SKAP1: variants seen among roughly 807,000 people sequenced by gnomAD.
SKAP1 encodes src kinase-associated phosphoprotein 1.
In SKAP1, 44 loss-of-function variants were observed where a neutral mutation model predicts 58.5. The ratio of observed to expected loss-of-function variants is 0.75; its 90% CI spans 0.59 to 0.97. SKAP1 has a LOEUF of 0.97. SKAP1 is among the 50% of genes least tolerant of loss of function. The pLI, the probability that SKAP1 is intolerant of heterozygous loss-of-function variation, is 0.00. For missense variants in SKAP1, 390 were observed against 435.2 expected (o/e 0.90, Z 0.92); for synonymous variants, 127 against 149.7 (o/e 0.85, Z 1.11).
Position 48,229,826 on chromosome 17 carries a change from T to G in SKAP1, c.281-40326A>C, listed in dbSNP as rs557955217. ...AACAGTGTTCTTCAGATTAATGAAA[T>G]CTAATAGCAACTCTTTCACCTCTGG... is the stretch of plus-strand genomic sequence containing the variant. On this transcript the variant is annotated intron_variant, in intron 4 of 12. Coordinates refer to ENST00000336915, the MANE Select transcript of SKAP1 (RefSeq NM_003726.4). Among the ~76,000 whole-genome samples, 20 of 152,232 alleles carry G rather than the reference T, an allele frequency of 1.3e-4. No individual in the cohort carries two copies. In the South Asian group the frequency reaches 4.2e-3, roughly 32 times the overall value.
intron 11 of SKAP1, among the ~76,000 whole-genome samples, chr17:48,158,198 A>T (rs971199950): frequency 3.8e-5 from 5 of 130,852 alleles, no homozygotes; most frequent in South Asian, 2.5e-4. Flanking sequence ...AAAAAAAAAA[A>T]TGCGATAAAT....
chr17:48,142,873 A>G (rs939737252), intron 11 of SKAP1, among the ~76,000 whole-genome samples: 2 of 151,928 alleles, frequency 1.3e-5, no homozygotes, highest in Non-Finnish European at 2.9e-5. Flanking sequence ...TGGTGCAAGT[A>G]TAGCTCACTG....
intron 11 of SKAP1, chr17:48,156,433 C>T (rs373807500): frequency 5.7e-6 from 3 of 524,610 alleles, no homozygotes; most frequent in Non-Finnish European, 1.2e-5. Flanking sequence ...GAGACCTGCA[C>T]CAGCGCCACA....
intron 4 of SKAP1, among the ~76,000 whole-genome samples, chr17:48,289,986 C>T (rs1266002920): frequency 2.0e-5 from 3 of 152,010 alleles, no homozygotes; most frequent in African/African-American, 7.3e-5. Flanking sequence ...GTTAAGCAGT[C>T]AATAGTACCC....
intron 11 of SKAP1, among the ~76,000 whole-genome samples, chr17:48,146,001 T>C (rs911224353): frequency 6.6e-6 from 1 of 152,134 alleles, no homozygotes; most frequent in African/African-American, 2.4e-5. Flanking sequence ...TTTGTGTGCA[T>C]GTGTACGTAG....
At chr17:48,310,493 C>G (rs1273748466) in intron 4 of SKAP1, among the ~76,000 whole-genome samples, 1 of 152,148 alleles carries the variant, frequency 6.6e-6, no homozygotes, top group Non-Finnish European at 1.5e-5. Flanking sequence ...ATGATTACAG[C>G]TGTTCATATT....
At chr17:48,153,998 T>G (rs964430803) in intron 11 of SKAP1, among the ~76,000 whole-genome samples, 3 of 152,188 alleles carry the variant, frequency 2.0e-5, no homozygotes, top group African/African-American at 7.2e-5. Context: ...CTAAGCACAC[T>G]TAAAAGAGGA....
At chr17:48,275,986 A>G (rs899335492) in intron 4 of SKAP1, among the ~76,000 whole-genome samples, 4 of 152,160 alleles carry the variant, frequency 2.6e-5, no homozygotes, top group African/African-American at 7.2e-5. Flanking sequence ...GAGAGAGTTT[A>G]TAAGAAGGGG....
intron 4 of SKAP1, among the ~76,000 whole-genome samples, chr17:48,255,651 C>G (rs1567840362): frequency 6.6e-6 from 1 of 151,884 alleles, no homozygotes. Context: ...CAAAACGTGG[C>G]TAGAGATTAT....
chr17:48,329,795 C>G (rs1474134928), intron 4 of SKAP1, among the ~76,000 whole-genome samples: 3 of 152,056 alleles, frequency 2.0e-5, no homozygotes, highest in Non-Finnish European at 4.4e-5. Flanking sequence ...GGTTTTGGAA[C>G]TACAGAGACT....
At chr17:48,287,890 A>G (rs1345959711) in intron 4 of SKAP1, among the ~76,000 whole-genome samples, 1 of 152,232 alleles carries the variant, frequency 6.6e-6, no homozygotes, top group Non-Finnish European at 1.5e-5. Flanking sequence ...AGTTAACCAA[A>G]ATGTCTTAGC....
chr17:48,426,177 G>A (rs1481540766), intron 1 of SKAP1, among the ~76,000 whole-genome samples: 1 of 152,162 alleles, frequency 6.6e-6, no homozygotes, highest in African/African-American at 2.4e-5. Flanking sequence ...ATACAGATCT[G>A]GAGAACAATC....
chr17:48,304,463 G>T (rs973090230), intron 4 of SKAP1, among the ~76,000 whole-genome samples: 2 of 152,148 alleles, frequency 1.3e-5, no homozygotes, highest in African/African-American at 4.8e-5. Context: ...AGTTATAGAA[G>T]GTAGTGTAGA....
At chr17:48,443,032 T>A in the SKAP1 span, among the ~76,000 whole-genome samples, 13 of 152,192 alleles carry the variant, frequency 8.5e-5, no homozygotes, top group Non-Finnish European at 1.3e-4. Context: ...AGTTTTTCAA[T>A]GAGTCATACC....
At chr17:48,321,848 T>C (rs1299408861) in intron 4 of SKAP1, among the ~76,000 whole-genome samples, 2 of 152,192 alleles carry the variant, frequency 1.3e-5, no homozygotes, top group African/African-American at 2.4e-5. Flanking sequence ...TAAGTCAATC[T>C]GTGATTTTTT....
At chr17:48,444,115 CCGGGCGCAG>C in the SKAP1 span, among the ~76,000 whole-genome samples, 2 of 141,988 alleles carry the variant, frequency 1.4e-5, no homozygotes, top group Admixed American at 1.4e-4. Flanking sequence ...TAGTACGAGG[CCGGGCGCAG>C]TGACTCACGC....
At chr17:48,313,019 C>T (rs2066242060) in intron 4 of SKAP1, among the ~76,000 whole-genome samples, 1 of 152,210 alleles carries the variant, frequency 6.6e-6, no homozygotes, top group African/African-American at 2.4e-5. Flanking sequence ...GGTATAACTA[C>T]TTTAATTCTA....
intron 2 of SKAP1, among the ~76,000 whole-genome samples, chr17:48,379,490 A>T (rs895113036): frequency 2.6e-5 from 4 of 152,166 alleles, no homozygotes; most frequent in African/African-American, 4.8e-5. Flanking sequence ...CATTTTCATA[A>T]AATGCCTATC....
chr17:48,281,340 A>G (rs1002650765), intron 4 of SKAP1, among the ~76,000 whole-genome samples: 1 of 152,014 alleles, frequency 6.6e-6, no homozygotes, highest in Non-Finnish European at 1.5e-5. Flanking sequence ...TCAAGTTTTA[A>G]AGCACTTCAG....
Sources: allele counts gnomAD v4.1 joint callset (sites outside exome capture counted in the v4.1 genomes callset), GRCh38; gene constraint gnomAD v4.1.1; transcripts MANE v1.5; gene names NCBI Gene and HGNC (gene_info 2026-07-23, HGNC 2026-07-21).